The following NECTIN3 variants were observed in gnomAD, a reference collection of about 807,000 sequenced individuals.
NECTIN3 encodes the protein nectin cell adhesion molecule 3, also known as nectin-3.
A neutral mutation model predicts 49.4 loss-of-function variants in NECTIN3; 8 were observed. The ratio of observed to expected loss-of-function variants is 0.16; its 90% CI spans 0.10 to 0.29. The LOEUF is 0.29. Ranked by LOEUF, NECTIN3 falls within the 10% of genes least tolerant of loss-of-function variation. The pLI is 1.00. For missense variants in NECTIN3, 581 were observed against 654.6 expected, an observed-to-expected ratio of 0.89 and a Z score of 1.23; for synonymous variants, 277 against 241.1, an observed-to-expected ratio of 1.15 and a Z score of -1.38.
chr3:111,140,676 A>T (rs948606333), downstream of NECTIN3, among the ~76,000 whole-genome samples: 1 of 151,886 alleles, frequency 6.6e-6, no homozygotes, highest in Non-Finnish European at 1.5e-5. Flanking sequence ...GGTTAAATCT[A>T]GATAAGTTAT....
chr3:111,133,615 A>G lies in NECTIN3; in HGVS notation c.1070-20A>G, dbSNP rs771649658. 79 of 1,601,518 alleles carry G rather than the reference A, an allele frequency of 4.9e-5. No homozygotes were observed. Among genetic ancestry groups the G allele is most frequent in the Non-Finnish European group, 5.9e-5 (69 of 1,173,714 alleles). On this transcript the variant is annotated intron_variant, in intron 5 of 5. Transcript: ENST00000485303. ...TTCTTTGCCTTTCTGTGTCTTCTCT[A>G]TCTTTACTGTTTCCATTAGATCCTC...
chr3:111,087,394 T>G (rs1391927739), intron 1 of NECTIN3, among the ~76,000 whole-genome samples: 1 of 152,188 alleles, frequency 6.6e-6, no homozygotes. Context: ...GCCTCACGCC[T>G]GTAATCCCAG....
intron 1 of NECTIN3, among the ~76,000 whole-genome samples, chr3:111,096,567 C>T (rs994839076): frequency 6.6e-6 from 1 of 152,196 alleles, no homozygotes; most frequent in Non-Finnish European, 1.5e-5. Flanking sequence ...TCCCTCCCAT[C>T]ACAGGCCTGG....
intron 1 of NECTIN3, among the ~76,000 whole-genome samples, chr3:111,102,984 T>G (rs1388209782): frequency 6.6e-6 from 1 of 152,202 alleles, no homozygotes; most frequent in Non-Finnish European, 1.5e-5. Context: ...AGTCTGTTTT[T>G]GGGCTCTATT....
At chr3:111,138,843 A>G (rs78545860), downstream of NECTIN3, among the ~76,000 whole-genome samples, 8,188 of 151,650 alleles carry the variant, frequency 0.054, 790 homozygotes, top group East Asian at 0.45. Context: ...CTACATAGAC[A>G]TGATATGCAA....
chr3:111,154,085 C>A (rs2035051826), intron 7 of NECTIN3, among the ~76,000 whole-genome samples: 1 of 152,100 alleles, frequency 6.6e-6, no homozygotes, highest in African/African-American at 2.4e-5. Context: ...ATATACTTGG[C>A]AAATATCACC....
At chr3:111,102,558 C>G (rs1457337077) in intron 1 of NECTIN3, among the ~76,000 whole-genome samples, 1 of 152,232 alleles carries the variant, frequency 6.6e-6, no homozygotes, top group Non-Finnish European at 1.5e-5. Context: ...CTGGTTGATG[C>G]TGCTGTAATT....
chr3:111,176,731 C>A (rs1266606818), intron 7 of NECTIN3, among the ~76,000 whole-genome samples: 3 of 151,700 alleles, frequency 2.0e-5, no homozygotes, highest in African/African-American at 7.3e-5. Context: ...AAGATCCCCC[C>A]AAAAATACAT....
intron 1 of NECTIN3, among the ~76,000 whole-genome samples, chr3:111,092,040 A>C (rs954286467): frequency 6.6e-6 from 1 of 152,166 alleles, no homozygotes; most frequent in Non-Finnish European, 1.5e-5. Context: ...GTGATGGCTG[A>C]TGATGTTGAG....
At chr3:111,148,859 A>G (rs1331871381) in intron 7 of NECTIN3, among the ~76,000 whole-genome samples, 2 of 151,962 alleles carry the variant, frequency 1.3e-5, no homozygotes, top group East Asian at 1.9e-4. Flanking sequence ...GTACGTTTTT[A>G]TGTAGTAAAA....
intron 1 of NECTIN3, chr3:111,074,106 G>A (rs2031002443): frequency 7.5e-6 from 3 of 402,256 alleles, no homozygotes; most frequent in Admixed American, 5.9e-5. Flanking sequence ...TCCTTTTTTG[G>A]CTTATAGTGT....
chr3:111,152,702 C>T (rs1401921301), intron 7 of NECTIN3, among the ~76,000 whole-genome samples: 2 of 151,870 alleles, frequency 1.3e-5, no homozygotes, highest in Non-Finnish European at 3.0e-5. Context: ...TGTATCTCCA[C>T]TGGTTTATGT....
At chr3:111,171,167 G>A (rs1264747745) in intron 7 of NECTIN3, among the ~76,000 whole-genome samples, 1 of 152,188 alleles carries the variant, frequency 6.6e-6, no homozygotes, top group African/African-American at 2.4e-5. Context: ...CTGAAGCTCA[G>A]AAAGTTAATC....
intron 1 of NECTIN3, among the ~76,000 whole-genome samples, chr3:111,091,422 T>A (rs2032263208): frequency 6.6e-6 from 1 of 152,092 alleles, no homozygotes; most frequent in Admixed American, 6.5e-5. Flanking sequence ...CGGCTAATTT[T>A]TTGTATTTTT....
chr3:111,139,398 T>C (rs958743786), downstream of NECTIN3, among the ~76,000 whole-genome samples: 1 of 151,758 alleles, frequency 6.6e-6, no homozygotes, highest in Non-Finnish European at 1.5e-5. Flanking sequence ...TGTTCTAAAT[T>C]TTTCCAGTTT....
intron 1 of NECTIN3, among the ~76,000 whole-genome samples, chr3:111,085,202 C>G (rs889395096): frequency 4.6e-5 from 7 of 152,338 alleles, no homozygotes; most frequent in Admixed American, 2.0e-4. Flanking sequence ...TGTGGACACT[C>G]TATTTCCAAA....
chr3:111,092,627 A>T (rs1247275168), intron 1 of NECTIN3, among the ~76,000 whole-genome samples: 1 of 63,718 alleles, frequency 1.6e-5, no homozygotes, highest in Admixed American at 1.6e-4. Context: ...ATCTGGACTC[A>T]GTACTGTTCT....
At chr3:111,103,612 C>G (rs931502398) in intron 1 of NECTIN3, among the ~76,000 whole-genome samples, 1 of 151,754 alleles carries the variant, frequency 6.6e-6, no homozygotes, top group African/African-American at 2.4e-5. Flanking sequence ...AGAAATAAAA[C>G]TTCCTTTCTA....
At chr3:111,139,433 C>G (rs2034685435), downstream of NECTIN3, among the ~76,000 whole-genome samples, 1 of 151,718 alleles carries the variant, frequency 6.6e-6, no homozygotes, top group African/African-American at 2.4e-5. Context: ...GCATCCCACA[C>G]ACATGCCTCT....
Sources: allele counts gnomAD v4.1 joint callset (sites outside exome capture counted in the v4.1 genomes callset), GRCh38; gene constraint gnomAD v4.1.1; transcripts MANE v1.5; gene names NCBI Gene and HGNC (gene_info 2026-07-23, HGNC 2026-07-21).